The following POP1 variants were observed in gnomAD, a reference collection of about 807,000 sequenced individuals.
The protein encoded by POP1 is POP1 ribonuclease P/MRP subunit, also known as ribonucleases P/MRP protein subunit POP1.
A neutral mutation model predicts 102.2 loss-of-function variants in POP1; 75 were observed. The ratio of observed to expected loss-of-function variants is 0.73; its 90% CI spans 0.61 to 0.89. The LOEUF is 0.89. POP1 is among the 40% of genes least tolerant of loss of function. The pLI, the probability that POP1 is intolerant of heterozygous loss-of-function variation, is 0.00. For synonymous variants in POP1, 436 were observed against 464.1 expected (o/e 0.94, Z 0.78); for missense variants, 1,116 against 1,267.4 (o/e 0.88, Z 1.81).
rs543411975 is a variant in POP1 at position 98,138,416 on chromosome 8, T to C, written c.1362+1462T>C. On this transcript the variant is annotated intron_variant, in intron 9 of 15. Coordinates refer to ENST00000401707, the MANE Select transcript of POP1 (RefSeq NM_001145860.2). Reference sequence around the variant, plus strand: ...TTTGCACCTGTTTTTTCCTTCCAACTACTGAGCATTCTGCCTCCACCACTC... The same window carrying C: ...TTTGCACCTGTTTTTTCCTTCCAACCACTGAGCATTCTGCCTCCACCACTC... 5.3e-5 allele frequency among the ~76,000 whole-genome samples: 8 copies of C among 152,296 alleles called. 1 individual carries two copies. The highest frequency in any genetic ancestry group is 1.9e-4 in the African/African-American group (8 of 41,566).
chr8:98,121,386 G>C (rs1816015304), intron 1 of POP1, among the ~76,000 whole-genome samples: 1 of 152,032 alleles, frequency 6.6e-6, no homozygotes, highest in Non-Finnish European at 1.5e-5. Context: ...GTTTTGGTTG[G>C]CATAATTGGG....
chr8:98,156,142 C>T lies in POP1; in HGVS notation c.2150C>T (p.Ser717Leu), dbSNP rs1180159799. Residue 717 changes from serine (S) to leucine (L), a missense_variant, in exon 15 of 16, where the codon TCA (serine) becomes TTA (leucine). Physicochemically the swap from Ser to Leu is moderately radical, Grantham distance 145. Transcript: ENST00000401707. ...GAGCAGTTAACTCAAGACTGGGAGT[C>T]AAGAGTCCAGGCTTACGAAGAACCT... ...PWEQLTQDWE[S>L]RVQAYEEPSV... The T allele has an allele frequency of 6.2e-7, 1 of 1,614,062 alleles. No individual in the cohort carries two copies. Among genetic ancestry groups the T allele is most frequent in the African/African-American group, 1.3e-5 (1 of 75,008 alleles).
rs533011160 is a variant in POP1 at position 98,151,596 on chromosome 8, G to A, written c.2057+957G>A. Among the ~76,000 whole-genome samples, 45 of 151,824 alleles carry A rather than the reference G, an allele frequency of 3.0e-4. 1 individual carries two copies. The highest frequency in any genetic ancestry group is 2.7e-3 in the Admixed American group (41 of 15,222). On this transcript the variant is annotated intron_variant, in intron 14 of 15. Transcript: ENST00000401707. The stretch of plus-strand genomic sequence containing the variant: ...CTAGCCAGTGCCTGGTGCACAGTAG[G>A]TCTTAATAACCTTTATTTGTTGTCT...
chr8:98,120,991 C>T (rs1455231103), intron 1 of POP1, among the ~76,000 whole-genome samples: 1 of 151,930 alleles, frequency 6.6e-6, no homozygotes, highest in African/African-American at 2.4e-5. Flanking sequence ...CCATGTTTGC[C>T]AGGCTGGTCT....
rs149039184 is a variant in POP1, at chr8:98,136,931, A to G, written c.1339A>G (p.Ile447Val). ...PLSHSILTEA[I>V]KAASVHTVGE... ...TTCCCACTCCATCCTAACTGAAGCA[A>G]TAAAAGCTGCTTCTGTCCACACTGT... The change falls in exon 9 of 16, where the codon ATA becomes GTA. Residue 447 changes from isoleucine to valine, a missense_variant. By Grantham distance (29) the Ile-to-Val change is conservative. Coordinates refer to ENST00000401707, the MANE Select transcript of POP1 (RefSeq NM_001145860.2). The G allele has an allele frequency of 8.6e-4, 1,380 of 1,610,460 alleles. 2 individuals are homozygous for G. Among genetic ancestry groups the G allele is most frequent in the Non-Finnish European group, 1.1e-3 (1,260 of 1,176,604 alleles).
At chr8:98,157,030 T>C (rs1809670173) in intron 15 of POP1, among the ~76,000 whole-genome samples, 1 of 151,664 alleles carries the variant, frequency 6.6e-6, no homozygotes, top group South Asian at 2.1e-4. Context: ...GCCTCCCAAG[T>C]AGCTGGGACT....
intron 1 of POP1, among the ~76,000 whole-genome samples, chr8:98,119,075 T>C (rs779680288): frequency 2.4e-4 from 36 of 152,220 alleles, no homozygotes; most frequent in Non-Finnish European, 1.0e-4. Context: ...CTGCCTAAGA[T>C]GACAAAATTC....
At position 98,142,898 on chromosome 8, in the gene POP1, C is replaced by G. The variant is rs1179899979; in HGVS notation, c.1594+2010C>G. ...AGTTAGCAGCCATGTTCTCTGCTTCCCCTGGGCCCTTTGAACTGTTTTACA... is the reference window on the plus strand; with the variant it reads ...AGTTAGCAGCCATGTTCTCTGCTTCGCCTGGGCCCTTTGAACTGTTTTACA... On this transcript the variant is annotated intron_variant, in intron 11 of 15. Transcript: ENST00000401707. 2.6e-5 allele frequency among the ~76,000 whole-genome samples: 4 copies of G among 152,254 alleles called. No individual in the cohort carries two copies. In the East Asian group the frequency reaches 7.7e-4, roughly 29 times the overall value.
chr8:98,148,938 C>G lies in POP1; in HGVS notation c.1834C>G (p.Leu612Val). The change falls in exon 13 of 16, where the codon CTA (leucine) becomes GTA (valine). Residue 612 changes from leucine (L) to valine (V), a missense_variant. By Grantham distance (32) the Leu-to-Val change is conservative. Coordinates refer to ENST00000401707, the MANE Select transcript of POP1 (RefSeq NM_001145860.2). ...AGGAAAAGTGACTGGTGAAGATCGA[C>G]TAGGCTGGGGAAGTGGCTGGGATGT... ...QPGKVTGEDR[L>V]GWGSGWDVLL... 1 of 1,613,878 alleles carries G rather than the reference C, an allele frequency of 6.2e-7. No individual in the cohort carries two copies. The highest frequency in any genetic ancestry group is 8.5e-7 in the Non-Finnish European group (1 of 1,179,872).
At position 98,158,264 on chromosome 8, in the gene POP1, A is replaced by G. The variant is rs1380520119; in HGVS notation, c.3068A>G (p.Glu1023Gly). The G allele has an allele frequency of 1.2e-6, 2 of 1,609,148 alleles. No homozygotes were observed. The highest frequency in any genetic ancestry group is 4.5e-5 in the East Asian group (2 of 44,870). The change falls in exon 16 of 16, where the codon GAG becomes GGG. Residue 1023 changes from glutamate (E) to glycine (G), a missense_variant. Glu to Gly is a moderately conservative substitution (Grantham distance 98). Coordinates refer to ENST00000401707, the MANE Select transcript of POP1 (RefSeq NM_001145860.2). The part of the protein sequence containing the change: ...LQYRFARIAI[E>G]V ...TATCGATTTGCGAGGATTGCTATTG[A>G]GGTGTGAATGCGTGCTTGTATCCCA...
chr8:98,156,261 G>C lies in POP1; in HGVS notation c.2269G>C (p.Asp757His), dbSNP rs750208983. 6.2e-7 allele frequency: 1 copy of C among 1,614,144 alleles called. No homozygotes were observed. Among genetic ancestry groups the C allele is most frequent in the Non-Finnish European group, 8.5e-7 (1 of 1,180,040 alleles). Residue 757 changes from aspartate (D) to histidine (H), a missense_variant, in exon 15 of 16, where the codon GAT becomes CAT. Physicochemically the swap from Asp to His is moderately conservative, Grantham distance 81. Coordinates refer to ENST00000401707, the MANE Select transcript of POP1 (RefSeq NM_001145860.2). Reference protein sequence around the residue: ...PMPKKTHQPSDEVGTSIEHPR... With the variant: ...PMPKKTHQPSHEVGTSIEHPR... ...GCCTAAAAAAACTCATCAGCCATCT[G>C]ATGAAGTGGGCACATCCATAGAGCA...
At chr8:98,143,908 C>T (rs999696137) in intron 11 of POP1, among the ~76,000 whole-genome samples, 4 of 152,112 alleles carry the variant, frequency 2.6e-5, no homozygotes, top group Admixed American at 6.6e-5. Flanking sequence ...AATCCCAGCA[C>T]TTTGGGAGGC....
chr8:98,145,845 G>A (rs1816829472), intron 11 of POP1, among the ~76,000 whole-genome samples: 1 of 152,060 alleles, frequency 6.6e-6, no homozygotes, highest in Non-Finnish European at 1.5e-5. Context: ...GGCGAAGGTT[G>A]CAGTGAACCA....
At chr8:98,153,204 A>C (rs1809561714) in intron 14 of POP1, among the ~76,000 whole-genome samples, 1 of 152,166 alleles carries the variant, frequency 6.6e-6, no homozygotes, top group African/African-American at 2.4e-5. Flanking sequence ...TCCTGGCCTC[A>C]AGCAGTCCTC....
intron 2 of POP1, among the ~76,000 whole-genome samples, chr8:98,126,348 T>C (rs1816205444): frequency 6.6e-6 from 1 of 152,224 alleles, no homozygotes; most frequent in South Asian, 2.1e-4. Context: ...CCAAAACTTT[T>C]TGAGCGCCGA....
At chr8:98,140,437 A>G (rs1186283898) in intron 10 of POP1, among the ~76,000 whole-genome samples, 1 of 152,212 alleles carries the variant, frequency 6.6e-6, no homozygotes, top group Non-Finnish European at 1.5e-5. Context: ...ATAAATGCAT[A>G]CACCAGGTAC....
rs1188268839 is a variant in POP1 at position 98,127,893 on chromosome 8, CT to C, written c.310+133del. ...TCCTCTCCTCCTCCTACTTTAGACC[CT>C]TCTCGCCTCTAGCCTGGACTTTGGC... On this transcript the variant is annotated intron_variant, in intron 3 of 15. Coordinates refer to ENST00000401707, the MANE Select transcript of POP1 (RefSeq NM_001145860.2). 6.4e-6 allele frequency: 6 copies of C among 942,504 alleles called. No homozygotes were observed. The African/African-American group carries it at 8.1e-5, about 13-fold the overall frequency. 58.4% of individuals were successfully genotyped at this position (942,504 alleles called of 1,614,324 possible).
chr8:98,130,142 GTGGGGCTAC>G lies in POP1; in HGVS notation c.654_662del (p.Trp218_Tyr220del). ...CCAAGCGGTTTCATATGGTCAAGAA[GTGGGGCTAC>G]TGCCTTGGGGAGAGGCCAACAGTCA... On this transcript the variant is annotated inframe_deletion, in exon 5 of 16. Transcript: ENST00000401707. 6.2e-7 allele frequency: 1 copy of G among 1,614,218 alleles called. No individual in the cohort carries two copies.
chr8:98,122,767 A>G (rs1234433115), intron 1 of POP1, among the ~76,000 whole-genome samples: 2 of 152,228 alleles, frequency 1.3e-5, no homozygotes, highest in Non-Finnish European at 2.9e-5. Context: ...AGGTTATAAC[A>G]TTCATTTCAT....
Sources: allele counts gnomAD v4.1 joint callset (sites outside exome capture counted in the v4.1 genomes callset), GRCh38; gene constraint gnomAD v4.1.1; transcripts MANE v1.5; gene names NCBI Gene and HGNC (gene_info 2026-07-23, HGNC 2026-07-21).